LSM2: variants seen among roughly 807,000 people sequenced by gnomAD.
The protein encoded by LSM2 is U6 snRNA-associated Sm-like protein LSm2.
Under a neutral mutation model 17.0 loss-of-function variants are expected in LSM2, and 12 were observed. That is an observed-to-expected ratio of 0.70 (90% CI 0.45 to 1.14). The LOEUF is 1.14. Among genes scored for constraint, LSM2 ranks in the 50% most tolerant of loss-of-function variants. LSM2 has a pLI of 0.00. For missense variants in LSM2, 62 were observed against 111.8 expected, an observed-to-expected ratio of 0.55 and a Z score of 2.01; for synonymous variants, 42 against 44.5, an observed-to-expected ratio of 0.94 and a Z score of 0.22.
At chr6:31,799,753 T>C (rs1814588702) in intron 2 of LSM2, among the ~76,000 whole-genome samples, 1 of 151,548 alleles carries the variant, frequency 6.6e-6, no homozygotes, top group Non-Finnish European at 1.5e-5. Context: ...AGCCCATATG[T>C]GGATAAAGGT....
intron 2 of LSM2, among the ~76,000 whole-genome samples, chr6:31,798,832 G>A (rs1299656143): frequency 1.3e-5 from 2 of 149,460 alleles, no homozygotes; most frequent in African/African-American, 4.9e-5. Flanking sequence ...TGCCTCCCAG[G>A]TTCAAGCGAT....
At chr6:31,806,494 GA>G in intron 1 of LSM2, 1 of 617,568 alleles carries the variant, frequency 1.6e-6, no homozygotes, top group South Asian at 2.0e-5. Context: ...GCCTGGCAGA[GA>G]AGTGCTCTGA....
chr6:31,803,003 GGAGAA>G (rs1814807821), intron 2 of LSM2: 1 of 152,202 alleles, frequency 6.6e-6, no homozygotes. Flanking sequence ...GGCCCAGGAA[GGAGAA>G]AAGAGGAGAA....
chr6:31,797,447 A>T lies in LSM2; in HGVS notation c.*310T>A, dbSNP rs779150638. The T allele has an allele frequency of 2.9e-6, 1 of 345,126 alleles. No homozygotes were observed. Among genetic ancestry groups the T allele is most frequent in the Non-Finnish European group, 5.3e-6 (1 of 188,286 alleles). 21.4% of individuals were successfully genotyped at this position (345,126 alleles called of 1,614,324 possible). On this transcript the variant is annotated 3_prime_UTR_variant, in exon 5 of 5. Coordinates refer to ENST00000375661, the MANE Select transcript of LSM2 (RefSeq NM_021177.5). ...GCGGGACAGATTCCTTCCATCCCCA[A>T]ATGAATCACATGCTGCCCTGGAAAG...
rs778411669 is a variant in LSM2, at chr6:31,806,788, C to T, written c.-31G>A. The T allele has an allele frequency of 1.0e-5, 16 of 1,607,252 alleles. No individual in the cohort carries two copies. The highest frequency in any genetic ancestry group is 1.3e-5 in the African/African-American group (1 of 74,774). On this transcript the variant is annotated 5_prime_UTR_variant, in exon 1 of 5. Coordinates refer to ENST00000375661, the MANE Select transcript of LSM2 (RefSeq NM_021177.5). ...TGGCGCCGCGGGCAGCGGGCCGGACCGGGAAGACAGCAGGGTGCTGCGAGC... is the reference window on the plus strand; with the variant it reads ...TGGCGCCGCGGGCAGCGGGCCGGACTGGGAAGACAGCAGGGTGCTGCGAGC...
rs1340736022 is a variant in LSM2 at position 31,797,871 on chromosome 6, C to T, written c.174G>A (p.Lys58=). ...PEKYPHMLSV[K]NCFIRGSVVR... ...CCACTGAGCCCCGAATGAAGCAGTT[C>T]TTCACTGATAACTAGACAAAGATGG... is the stretch of plus-strand genomic sequence containing the variant. Residue 58 remains lysine, a synonymous_variant, in exon 5 of 5, where the codon AAG becomes AAA. Coordinates refer to ENST00000375661, the MANE Select transcript of LSM2 (RefSeq NM_021177.5). 6.2e-7 allele frequency: 1 copy of T among 1,613,020 alleles called. No individual in the cohort carries two copies.
intron 2 of LSM2, 133 bp from the exon 3 acceptor site, chr6:31,798,640 A>G (rs1814526691): frequency 1.1e-6 from 1 of 925,528 alleles, no homozygotes; most frequent in African/African-American, 1.6e-5. Context: ...GGTAGAACCA[A>G]AAGGGGGCAT....
At chr6:31,804,870 CAT>C (rs1226035163) in intron 2 of LSM2, among the ~76,000 whole-genome samples, 2 of 151,042 alleles carry the variant, frequency 1.3e-5, no homozygotes, top group African/African-American at 4.9e-5. Context: ...AGGTTCACGC[CAT>C]TCTCCTGCCT....
At chr6:31,799,654 C>CCT (rs1378692562) in intron 2 of LSM2, among the ~76,000 whole-genome samples, 2 of 136,464 alleles carry the variant, frequency 1.5e-5, no homozygotes, top group Non-Finnish European at 3.1e-5. Flanking sequence ...CCATTCCCGA[C>CCT]TTTTTTTTTT....
chr6:31,797,879 A>T lies in LSM2; in HGVS notation c.166T>A (p.Ser56Thr). The stretch of plus-strand genomic sequence containing the variant: ...CCCCGAATGAAGCAGTTCTTCACTG[A>T]TAACTAGACAAAGATGGACAAATAT... The part of the protein sequence containing the change: ...TDPEKYPHML[S>T]VKNCFIRGSV... Residue 56 changes from serine (S) to threonine (T), a missense_variant, in exon 5 of 5, where the codon TCA (serine) becomes ACA (threonine). Coordinates refer to ENST00000375661, the MANE Select transcript of LSM2 (RefSeq NM_021177.5). 2 of 1,612,972 alleles carry T rather than the reference A, an allele frequency of 1.2e-6. No individual in the cohort carries two copies. Among genetic ancestry groups the T allele is most frequent in the Non-Finnish European group, 1.7e-6 (2 of 1,180,022 alleles).
intron 2 of LSM2, among the ~76,000 whole-genome samples, chr6:31,805,454 G>A (rs904089667): frequency 2.1e-4 from 31 of 149,182 alleles, no homozygotes; most frequent in Non-Finnish European, 3.6e-4. Context: ...AACCTCTGCC[G>A]CCCAGGTTCA....
chr6:31,797,846 C>T lies in LSM2; in HGVS notation c.199G>A (p.Val67Ile), dbSNP rs1814467605. Residue 67 changes from valine (V) to isoleucine (I), a missense_variant, in exon 5 of 5, where the codon GTC (valine) becomes ATC (isoleucine). Transcript: ENST00000375661. ...VKNCFIRGSVVRYVQLPADEV... is the reference protein window; with the variant it reads ...VKNCFIRGSVIRYVQLPADEV... ...TCTGCTGGCAGCTGCACGTATCGGA[C>T]CACTGAGCCCCGAATGAAGCAGTTC... is the stretch of plus-strand genomic sequence containing the variant. The T allele has an allele frequency of 6.2e-7, 1 of 1,612,872 alleles. No individual in the cohort carries two copies. The highest frequency in any genetic ancestry group is 1.7e-5 in the Admixed American group (1 of 59,970).
chr6:31,803,850 G>T (rs1465010411), intron 2 of LSM2, among the ~76,000 whole-genome samples: 1 of 152,004 alleles, frequency 6.6e-6, no homozygotes, highest in Non-Finnish European at 1.5e-5. Context: ...AAAGTGCTGG[G>T]ATTACAGGTA....
Position 31,798,026 on chromosome 6 carries a change from G to A in LSM2, c.126C>T (p.Asp42=), listed in dbSNP as rs748015700. Residue 42 remains aspartate (D), a synonymous_variant, in exon 4 of 5, where the codon GAC becomes GAT. Coordinates refer to ENST00000375661, the MANE Select transcript of LSM2 (RefSeq NM_021177.5). ...VDQYLNIKLT[D]ISVTDPEKYP... ...ATTTCTCAGGGTCTGTGACACTGAT[G>A]TCAGTTAGTTTGATGTTGAGATACT... The A allele has an allele frequency of 1.3e-5, 21 of 1,603,194 alleles. No individual in the cohort carries two copies. Among genetic ancestry groups the A allele is most frequent in the South Asian group, 2.2e-5 (2 of 89,710 alleles).
At chr6:31,805,008 C>T (rs1296262935) in intron 2 of LSM2, among the ~76,000 whole-genome samples, 1 of 151,850 alleles carries the variant, frequency 6.6e-6, no homozygotes, top group Non-Finnish European at 1.5e-5. Context: ...CCTTGTGATC[C>T]GCCTGCCTCG....
Position 31,806,160 on chromosome 6 carries a change from G to A in LSM2, c.4-18C>T, listed in dbSNP as rs1357817699. 1.2e-5 allele frequency: 19 copies of A among 1,604,352 alleles called. No homozygotes were observed. Among genetic ancestry groups the A allele is most frequent in the Non-Finnish European group, 1.5e-5 (18 of 1,172,272 alleles). On this transcript the variant is annotated intron_variant, in intron 1 of 4. Transcript: ENST00000375661. Reference sequence around the variant, plus strand: ...TAGAAGAGCTATTGGGAGAGAGGGGGAAAACCATCATGTGGGAAGGAGCAT... The same window carrying A: ...TAGAAGAGCTATTGGGAGAGAGGGGAAAAACCATCATGTGGGAAGGAGCAT...
At chr6:31,799,300 G>A (rs1045213786) in intron 2 of LSM2, among the ~76,000 whole-genome samples, 8 of 152,034 alleles carry the variant, frequency 5.3e-5, no homozygotes. Flanking sequence ...GAAATGGCGT[G>A]ATCATGGCTC....
intron 2 of LSM2, among the ~76,000 whole-genome samples, chr6:31,799,176 T>C (rs1461251613): frequency 1.3e-5 from 2 of 152,192 alleles, no homozygotes; most frequent in African/African-American, 2.4e-5. Flanking sequence ...TTTTAAACTT[T>C]ATGAGTTTAG....
Position 31,806,838 on chromosome 6 carries a change from G to C in LSM2, c.-81C>G, listed in dbSNP as rs1017632770. ...CAGGTCTGGGGAAACCGAAGCGCGAGCCCGCGCGTGGGGCGAGGCGGGACC... is the reference window on the plus strand; with the variant it reads ...CAGGTCTGGGGAAACCGAAGCGCGACCCCGCGCGTGGGGCGAGGCGGGACC... On this transcript the variant is annotated 5_prime_UTR_variant, in exon 1 of 5. Transcript: ENST00000375661. 4.0e-6 allele frequency: 6 copies of C among 1,506,616 alleles called. No individual in the cohort carries two copies. In the African/African-American group the frequency reaches 5.7e-5, roughly 14 times the overall value. 93.3% of individuals were successfully genotyped at this position (1,506,616 alleles called of 1,614,324 possible).
Sources: gnomAD v4.1 joint callset for allele counts (sites outside exome capture counted in the v4.1 genomes callset) on GRCh38, gnomAD v4.1.1 for gene constraint, MANE v1.5 for transcripts, NCBI Gene and HGNC (gene_info 2026-07-23, HGNC 2026-07-21) for gene names.